CAST: variants seen among roughly 807,000 people sequenced by gnomAD.
The protein encoded by CAST is MIR583 host.
CAST carries 76 observed loss-of-function variants against 119.6 expected under a neutral mutation model. The ratio of observed to expected loss-of-function variants is 0.64; its 90% CI spans 0.53 to 0.77. The LOEUF (loss-of-function observed/expected upper bound fraction) is 0.77. Among genes scored for constraint, CAST ranks in the 30% least tolerant of loss-of-function variants. The pLI is 0.00. For synonymous variants in CAST, 319 were observed against 331.6 expected (o/e 0.96, Z 0.41); for missense variants, 953 against 946.5 (o/e 1.01, Z -0.09).
At chr5:96,585,141 T>G (rs1200323272) in intron 1 of CAST, 1 of 152,126 alleles carries the variant, frequency 6.6e-6, no homozygotes, top group Admixed American at 6.5e-5. Flanking sequence ...AAGAAACTAT[T>G]TTTTTTACTG....
chr5:96,585,588 A>C (rs1000521048), intron 1 of CAST, among the ~76,000 whole-genome samples: 6 of 152,124 alleles, frequency 3.9e-5, no homozygotes, highest in African/African-American at 1.4e-4. Flanking sequence ...TTTAGAATGA[A>C]AGAATTACCA....
the CAST span, among the ~76,000 whole-genome samples, chr5:96,267,437 A>G: frequency 6.6e-6 from 1 of 152,220 alleles, no homozygotes; most frequent in Non-Finnish European, 1.5e-5. Flanking sequence ...AAGAGAAAGA[A>G]AGCAAATAAC....
the CAST span, among the ~76,000 whole-genome samples, chr5:96,346,249 T>C: frequency 6.6e-6 from 1 of 152,200 alleles, no homozygotes; most frequent in Non-Finnish European, 1.5e-5. Context: ...TAGATGGCAG[T>C]ACTATTCACT....
chr5:96,361,259 T>C, the CAST span, among the ~76,000 whole-genome samples: 1 of 152,166 alleles, frequency 6.6e-6, no homozygotes, highest in East Asian at 1.9e-4. Context: ...GATCTTAGCT[T>C]GCTGGGCTCT....
At chr5:96,396,297 A>G in the CAST span, among the ~76,000 whole-genome samples, 3 of 152,206 alleles carry the variant, frequency 2.0e-5, no homozygotes, top group African/African-American at 7.2e-5. Context: ...GTGGTGGCTT[A>G]CACCTGTAAT....
At chr5:96,194,001 T>C in the CAST span, among the ~76,000 whole-genome samples, 1 of 152,232 alleles carries the variant, frequency 6.6e-6, no homozygotes, top group African/African-American at 2.4e-5. Context: ...TGACCAATCA[T>C]AGCTAAGCCT....
the CAST span, chr5:96,423,484 T>C: frequency 1.3e-3 from 2,018 of 1,611,888 alleles, 1 homozygote; most frequent in Admixed American, 1.6e-3. Flanking sequence ...CAACGAAGCA[T>C]TGATAAAATT....
chr5:96,408,840 A>G, the CAST span, among the ~76,000 whole-genome samples: 1 of 152,188 alleles, frequency 6.6e-6, no homozygotes, highest in Non-Finnish European at 1.5e-5. Flanking sequence ...GTTTGCACTC[A>G]CTGTTGAACT....
chr5:96,500,564 C>T, the CAST span, among the ~76,000 whole-genome samples: 1 of 152,164 alleles, frequency 6.6e-6, no homozygotes, highest in Admixed American at 6.5e-5. Flanking sequence ...CATCTTCAAG[C>T]TCGTTCCCTT....
intron 1 of CAST, among the ~76,000 whole-genome samples, chr5:96,541,790 C>T (rs890292100): frequency 6.6e-6 from 1 of 152,190 alleles, no homozygotes; most frequent in Non-Finnish European, 1.5e-5. Context: ...TGTTTTAGAG[C>T]TTGATATCTC....
chr5:96,355,599 G>A, the CAST span, among the ~76,000 whole-genome samples: 1,571 of 152,164 alleles, frequency 0.01, 27 homozygotes, highest in African/African-American at 0.036. Flanking sequence ...TTAAGGAATC[G>A]CCACCCTGTC....
chr5:96,362,054 A>G, the CAST span, among the ~76,000 whole-genome samples: 1 of 151,648 alleles, frequency 6.6e-6, no homozygotes, highest in Non-Finnish European at 1.5e-5. Context: ...TCACTGTTCA[A>G]TTCCCACCTA....
chr5:95,972,747 A>T, the CAST span, among the ~76,000 whole-genome samples: 1 of 151,866 alleles, frequency 6.6e-6, no homozygotes. Context: ...CCTTGTTCTG[A>T]TAGTGCTTTT....
the CAST span, among the ~76,000 whole-genome samples, chr5:96,520,161 A>T: frequency 6.6e-6 from 1 of 152,200 alleles, no homozygotes; most frequent in Non-Finnish European, 1.5e-5. Flanking sequence ...GTTTTAGGCC[A>T]GCTGTGATTT....
the CAST span, among the ~76,000 whole-genome samples, chr5:96,223,255 T>C: frequency 6.6e-6 from 1 of 152,070 alleles, no homozygotes; most frequent in Non-Finnish European, 1.5e-5. Flanking sequence ...TGTTTCAAAG[T>C]AGAGAGATGA....
chr5:96,441,652 A>G, the CAST span, among the ~76,000 whole-genome samples: 1 of 152,166 alleles, frequency 6.6e-6, no homozygotes. Flanking sequence ...ATGTAAACTC[A>G]ATATTATTAA....
chr5:96,293,084 T>C, the CAST span, among the ~76,000 whole-genome samples: 7 of 152,328 alleles, frequency 4.6e-5, no homozygotes, highest in East Asian at 1.3e-3. Flanking sequence ...AACCCTGTCA[T>C]GTTGCACAAT....
At chr5:96,479,453 AT>A in the CAST span, among the ~76,000 whole-genome samples, 68 of 122,112 alleles carry the variant, frequency 5.6e-4, no homozygotes, top group Admixed American at 1.0e-3. Context: ...GGCACTCCTT[AT>A]TTTTTTTTTT....
chr5:96,067,193 G>A, the CAST span, among the ~76,000 whole-genome samples: 3 of 151,718 alleles, frequency 2.0e-5, no homozygotes, highest in Non-Finnish European at 4.4e-5. Flanking sequence ...AGGTAATAGG[G>A]GTATTATATT....
Sources: gnomAD v4.1 joint callset for allele counts (sites outside exome capture counted in the v4.1 genomes callset) on GRCh38, gnomAD v4.1.1 for gene constraint, MANE v1.5 for transcripts, NCBI Gene and HGNC (gene_info 2026-07-23, HGNC 2026-07-21) for gene names.